The following COLEC12 variants were observed in gnomAD, a reference collection of about 807,000 sequenced individuals.
The protein encoded by COLEC12 is collectin-12.
In COLEC12, 33 loss-of-function variants were observed where a neutral mutation model predicts 71.1. That is an observed-to-expected ratio of 0.46 (90% confidence interval 0.35 to 0.62). COLEC12 has a LOEUF of 0.62. Ranked by LOEUF, COLEC12 falls within the 20% of genes least tolerant of loss-of-function variation. The pLI, the probability that COLEC12 is intolerant of heterozygous loss-of-function variation, is 0.00. For missense variants in COLEC12, 765 were observed against 916.1 expected, an observed-to-expected ratio of 0.84 and a Z score of 2.13; for synonymous variants, 350 against 353.0, an observed-to-expected ratio of 0.99 and a Z score of 0.10.
chr18:416,506 T>C (rs1276825843), intron 2 of COLEC12, among the ~76,000 whole-genome samples: 2 of 152,228 alleles, frequency 1.3e-5, no homozygotes, highest in Non-Finnish European at 2.9e-5. Context: ...CTTGTTATTA[T>C]ATCCTAGAGG....
At chr18:387,966 T>G (rs1358726105) in intron 2 of COLEC12, among the ~76,000 whole-genome samples, 1 of 144,398 alleles carries the variant, frequency 6.9e-6, no homozygotes, top group East Asian at 2.0e-4. Flanking sequence ...GAAAAATTAA[T>G]GCATGGGGAA....
intron 1 of COLEC12, among the ~76,000 whole-genome samples, chr18:490,795 A>T (rs147632083): frequency 1.4e-3 from 213 of 152,346 alleles, no homozygotes; most frequent in Middle Eastern, 0.014. Flanking sequence ...GGTTTCCAAC[A>T]AATGCCAAAC....
rs141346591 is a variant in COLEC12, at chr18:465,181, C to T, written c.58+15526G>A. Among the ~76,000 whole-genome samples the T allele has an allele frequency of 9.7e-3, 1,477 of 152,320 alleles. 23 individuals carry two copies. The highest frequency in any genetic ancestry group is 0.033 in the African/African-American group (1,366 of 41,568). On this transcript the variant is annotated intron_variant, in intron 2 of 9. Coordinates refer to ENST00000400256, the MANE Select transcript of COLEC12 (RefSeq NM_130386.3). The stretch of plus-strand genomic sequence containing the variant: ...TGCAGTGGTGGATCTCAGCTCACTG[C>T]AACCTCTGCCTCCCAGGTTCAAGCA...
At chr18:452,541 A>C (rs1916783367) in intron 2 of COLEC12, among the ~76,000 whole-genome samples, 1 of 152,102 alleles carries the variant, frequency 6.6e-6, no homozygotes, top group Non-Finnish European at 1.5e-5. Flanking sequence ...CCTCACAACC[A>C]CCACTATCAA....
chr18:406,381 C>T (rs1422281418), intron 2 of COLEC12, among the ~76,000 whole-genome samples: 5 of 151,438 alleles, frequency 3.3e-5, no homozygotes, highest in African/African-American at 2.4e-5. Context: ...CGGTGGCGGG[C>T]GCCTGTAGTC....
intron 2 of COLEC12, among the ~76,000 whole-genome samples, chr18:378,246 C>T (rs1000826799): frequency 2.6e-5 from 4 of 152,150 alleles, no homozygotes; most frequent in African/African-American, 4.8e-5. Context: ...AACTGCCTGG[C>T]GCTCTTCCTG....
intron 2 of COLEC12, among the ~76,000 whole-genome samples, chr18:361,245 G>A (rs896456415): frequency 6.6e-6 from 1 of 152,146 alleles, no homozygotes; most frequent in Non-Finnish European, 1.5e-5. Flanking sequence ...CTTGGTGAGA[G>A]CTGAACTGAC....
At chr18:405,970 C>T (rs1195137853) in intron 2 of COLEC12, among the ~76,000 whole-genome samples, 1 of 152,062 alleles carries the variant, frequency 6.6e-6, no homozygotes, top group Non-Finnish European at 1.5e-5. Context: ...AAGAGGTCAG[C>T]ACAAGATATA....
intron 2 of COLEC12, among the ~76,000 whole-genome samples, chr18:422,102 G>A (rs1024904786): frequency 1.3e-5 from 2 of 152,178 alleles, no homozygotes; most frequent in Non-Finnish European, 2.9e-5. Flanking sequence ...AGCCCTGTAA[G>A]GTAAGAGTCA....
intron 4 of COLEC12, among the ~76,000 whole-genome samples, 198 bp from the exon 5 acceptor site, chr18:347,539 A>G (rs1001839501): frequency 6.6e-6 from 1 of 152,240 alleles, no homozygotes; most frequent in African/African-American, 2.4e-5. Flanking sequence ...GAAGCTCAGA[A>G]CTAGGAATGA....
chr18:471,267 G>C (rs571253474), intron 2 of COLEC12, among the ~76,000 whole-genome samples: 1 of 94,750 alleles, frequency 1.1e-5, no homozygotes, highest in African/African-American at 4.1e-5. Context: ...CAGACCAGGA[G>C]ACCAATTTCA....
At chr18:387,926 T>C (rs1277909808) in intron 2 of COLEC12, among the ~76,000 whole-genome samples, 1 of 152,224 alleles carries the variant, frequency 6.6e-6, no homozygotes, top group Non-Finnish European at 1.5e-5. Flanking sequence ...TTCAGCCAAT[T>C]GCTAGCTCTC....
intron 5 of COLEC12, among the ~76,000 whole-genome samples, chr18:341,898 T>C (rs2143458392): frequency 6.6e-6 from 1 of 152,240 alleles, no homozygotes; most frequent in South Asian, 2.1e-4. Context: ...AGATGTCTGA[T>C]TGTACAGGAA....
chr18:484,335 A>C (rs1917480160), intron 1 of COLEC12, among the ~76,000 whole-genome samples: 1 of 152,224 alleles, frequency 6.6e-6, no homozygotes, highest in Admixed American at 6.5e-5. Flanking sequence ...AAGAAAACAA[A>C]GGCCTCACAG....
At chr18:491,824 C>G (rs1249645965) in intron 1 of COLEC12, among the ~76,000 whole-genome samples, 2 of 152,278 alleles carry the variant, frequency 1.3e-5, no homozygotes, top group East Asian at 3.9e-4. Flanking sequence ...AGAAAGGTGT[C>G]CTTTTATCTT....
At chr18:393,705 T>C (rs534680135) in intron 2 of COLEC12, among the ~76,000 whole-genome samples, 1 of 152,324 alleles carries the variant, frequency 6.6e-6, no homozygotes, top group East Asian at 1.9e-4. Flanking sequence ...TGGCCTTTCA[T>C]CCACACCACC....
intron 3 of COLEC12, among the ~76,000 whole-genome samples, chr18:352,636 G>T (rs1435039453): frequency 6.6e-6 from 1 of 152,174 alleles, no homozygotes; most frequent in Non-Finnish European, 1.5e-5. Flanking sequence ...TTAACAATAG[G>T]ATCTGGTATA....
At chr18:446,719 C>A (rs1916661400) in intron 2 of COLEC12, among the ~76,000 whole-genome samples, 1 of 151,920 alleles carries the variant, frequency 6.6e-6, no homozygotes, top group Admixed American at 6.6e-5. Context: ...TAAAACAAGT[C>A]CAGTTGATCT....
At chr18:430,928 A>T (rs1210672627) in intron 2 of COLEC12, among the ~76,000 whole-genome samples, 3 of 152,218 alleles carry the variant, frequency 2.0e-5, no homozygotes, top group Non-Finnish European at 4.4e-5. Context: ...ATCAATGTCC[A>T]CTTTGCATTT....
Sources: gnomAD v4.1 joint callset for allele counts (sites outside exome capture counted in the v4.1 genomes callset) on GRCh38, gnomAD v4.1.1 for gene constraint, MANE v1.5 for transcripts, NCBI Gene and HGNC (gene_info 2026-07-23, HGNC 2026-07-21) for gene names.